Variants in DRC1 observed in about 807,000 individuals in gnomAD.
The protein encoded by DRC1 is dynein regulatory complex protein 1.
Under a neutral mutation model 98.7 loss-of-function variants are expected in DRC1, and 74 were observed. The observed-to-expected ratio is 0.75, with a 90% confidence interval of 0.62 to 0.91. The LOEUF is 0.91. Among genes scored for constraint, DRC1 ranks in the 40% least tolerant of loss-of-function variants. The probability of loss-of-function intolerance (pLI) is 0.00; values close to 1 mark genes in which losing one functional copy is unlikely to be tolerated. For synonymous variants in DRC1, 336 were observed against 334.1 expected (o/e 1.01, Z -0.06); for missense variants, 875 against 886.0 (o/e 0.99, Z 0.16).
Position 26,454,879 on chromosome 2 carries a change from C to T in DRC1, c.2063+89C>T, listed in dbSNP as rs1238315963. The T allele has an allele frequency of 1.2e-5, 19 of 1,580,630 alleles. No homozygotes were observed. The highest frequency in any genetic ancestry group is 1.6e-5 in the Non-Finnish European group (18 of 1,158,812). Reference sequence around the variant, plus strand: ...CAGCCGCGTTTGCTGCCTCCCTGTCCCACTGAACCTGGGAGGGAAGAGCTG... The same window carrying T: ...CAGCCGCGTTTGCTGCCTCCCTGTCTCACTGAACCTGGGAGGGAAGAGCTG... On this transcript the variant is annotated intron_variant, in intron 15 of 16. Transcript: ENST00000288710. The surrounding 1 kb of genome is among the most constrained non-coding windows in gnomAD (Gnocchi z 5.2).
intron 1 of DRC1, among the ~76,000 whole-genome samples, chr2:26,406,106 T>C (rs1678417481): frequency 6.6e-6 from 1 of 152,148 alleles, no homozygotes; most frequent in Non-Finnish European, 1.5e-5. Flanking sequence ...CTCTGTTAAT[T>C]AAAGGAAAAG....
intron 11 of DRC1, 23 bp from the exon 12 acceptor site, chr2:26,449,973 G>A (rs1394029819): frequency 1.9e-6 from 3 of 1,611,476 alleles, no homozygotes; most frequent in Admixed American, 3.3e-5. Context: ...CCCGACAGGA[G>A]ATGCCTTCTT....
In DRC1 at chr2:26,434,764, G is replaced by A. The variant is rs548092891; in HGVS notation, c.888+2758G>A. Among the ~76,000 whole-genome samples the A allele has an allele frequency of 7.0e-4, 107 of 152,146 alleles. 1 individual carries two copies. The highest frequency in any genetic ancestry group is 1.2e-3 in the Non-Finnish European group (80 of 67,986). On this transcript the variant is annotated intron_variant, in intron 7 of 16. Coordinates refer to ENST00000288710, the MANE Select transcript of DRC1 (RefSeq NM_145038.5). Reference sequence around the variant, plus strand: ...AAATTAGCCGGGTGTGGTGGCGGGCGCCTGTAGTCCCAGCTACTCAGTAGG... The same window carrying A: ...AAATTAGCCGGGTGTGGTGGCGGGCACCTGTAGTCCCAGCTACTCAGTAGG...
Position 26,444,328 on chromosome 2 carries a change from C to A in DRC1, c.1135C>A (p.Gln379Lys), listed in dbSNP as rs1178048254. Residue 379 changes from glutamine (Q) to lysine (K), a missense_variant, in exon 9 of 17, where the codon CAA becomes AAA. By Grantham distance (53) the Gln-to-Lys change is moderately conservative. Coordinates refer to ENST00000288710, the MANE Select transcript of DRC1 (RefSeq NM_145038.5). ...LTSDYKRLVM[Q>K]FKELQKAMRH... The stretch of plus-strand genomic sequence containing the variant: ...CTCGGACTACAAACGTCTTGTGATG[C>A]AATTCAAGGAGCTACAGAAAGCCAT... 1 of 1,614,136 alleles carries A rather than the reference C, an allele frequency of 6.2e-7. No homozygotes were observed. Among genetic ancestry groups the A allele is most frequent in the South Asian group, 1.1e-5 (1 of 91,076 alleles).
intron 7 of DRC1, among the ~76,000 whole-genome samples, chr2:26,435,638 G>T (rs1378734054): frequency 2.0e-5 from 3 of 151,938 alleles, no homozygotes; most frequent in Non-Finnish European, 4.4e-5. Flanking sequence ...TGTTCTCATT[G>T]GTCCCACTTA....
At chr2:26,442,126 A>G (rs1268418503) in intron 8 of DRC1, among the ~76,000 whole-genome samples, 2 of 152,220 alleles carry the variant, frequency 1.3e-5, no homozygotes, top group Non-Finnish European at 2.9e-5. Context: ...GAAGAGCGGG[A>G]GAGCAAGCTG....
At chr2:26,416,771 T>C (rs1209670612) in intron 2 of DRC1, among the ~76,000 whole-genome samples, 4 of 152,222 alleles carry the variant, frequency 2.6e-5, no homozygotes, top group East Asian at 1.9e-4. Context: ...TTTTTTGGTA[T>C]CTATATGTCT....
intron 1 of DRC1, among the ~76,000 whole-genome samples, chr2:26,406,421 G>A (rs1356983954): frequency 6.6e-6 from 1 of 152,146 alleles, no homozygotes; most frequent in East Asian, 1.9e-4. Context: ...GTCATATAAA[G>A]AGTACAGCCG....
intron 2 of DRC1, 127 bp downstream of exon 2, chr2:26,414,558 T>A: frequency 1.2e-6 from 1 of 806,876 alleles, no homozygotes; most frequent in Non-Finnish European, 1.9e-6. Context: ...CTGAATAGAA[T>A]CTTTCCCATT....
chr2:26,454,876 G>C lies in DRC1; in HGVS notation c.2063+86G>C. 1 of 1,588,192 alleles carries C rather than the reference G, an allele frequency of 6.3e-7. No individual in the cohort carries two copies. Among genetic ancestry groups the C allele is most frequent in the South Asian group, 1.1e-5 (1 of 87,166 alleles). ...GAGCAGCCGCGTTTGCTGCCTCCCT[G>C]TCCCACTGAACCTGGGAGGGAAGAG... On this transcript the variant is annotated intron_variant, in intron 15 of 16. Coordinates refer to ENST00000288710, the MANE Select transcript of DRC1 (RefSeq NM_145038.5). The surrounding 1 kb of genome is among the most constrained non-coding windows in gnomAD (Gnocchi z 5.2).
chr2:26,427,444 T>C (rs1194773054), intron 4 of DRC1, among the ~76,000 whole-genome samples: 1 of 151,994 alleles, frequency 6.6e-6, no homozygotes, highest in South Asian at 2.1e-4. Context: ...ATTAAAAAAT[T>C]TTATGGGTAG....
At chr2:26,430,720 C>A in intron 5 of DRC1, 66 bp from the exon 6 acceptor site, 1 of 1,545,486 alleles carries the variant, frequency 6.5e-7, no homozygotes, top group Non-Finnish European at 8.9e-7. Flanking sequence ...CCTGAAAGTT[C>A]TTTGACACTG....
intron 11 of DRC1, among the ~76,000 whole-genome samples, chr2:26,449,746 G>A (rs1024465862): frequency 2.0e-5 from 3 of 152,212 alleles, no homozygotes; most frequent in Non-Finnish European, 4.4e-5. Flanking sequence ...CTTCTGGGTG[G>A]GAAAAGCTAA....
chr2:26,421,206 C>A, intron 2 of DRC1, 82 bp from the exon 3 acceptor site: 2 of 1,268,994 alleles, frequency 1.6e-6, no homozygotes, highest in African/African-American at 1.5e-5. Flanking sequence ...AAGCTGCGGA[C>A]AGTTGTGCAA....
intron 16 of DRC1, 102 bp downstream of exon 16, chr2:26,455,335 G>A (rs2148008856): frequency 9.3e-7 from 1 of 1,079,090 alleles, no homozygotes; most frequent in South Asian, 1.5e-5. Flanking sequence ...CCCGTCAGAG[G>A]CAAGGGAGCT....
intron 4 of DRC1, among the ~76,000 whole-genome samples, chr2:26,425,383 A>G (rs1045337283): frequency 3.3e-5 from 5 of 152,322 alleles, no homozygotes; most frequent in South Asian, 2.1e-4. Flanking sequence ...TGCTATGAAC[A>G]TGGGTATACA....
intron 7 of DRC1, among the ~76,000 whole-genome samples, chr2:26,438,802 A>C (rs371463189): frequency 6.8e-4 from 103 of 152,300 alleles, no homozygotes; most frequent in African/African-American, 2.4e-3. Flanking sequence ...TCTGTAGTCC[A>C]GCAGAGGGAG....
chr2:26,431,839 G>A, intron 6 of DRC1, 45 bp from the exon 7 acceptor site: 1 of 1,609,110 alleles, frequency 6.2e-7, no homozygotes. Context: ...TTGAGGTGGG[G>A]CAAGGATGGT....
chr2:26,430,446 C>T (rs1020044243), intron 5 of DRC1: 1 of 478,270 alleles, frequency 2.1e-6, no homozygotes, highest in African/African-American at 2.0e-5. Context: ...ACGAACGCAT[C>T]AGTGGTAGTC....
Sources: gnomAD v4.1 joint callset for allele counts (sites outside exome capture counted in the v4.1 genomes callset) on GRCh38, gnomAD v4.1.1 for gene constraint, Gnocchi (gnomAD v3.1) non-coding constraint, MANE v1.5 for transcripts, NCBI Gene and HGNC (gene_info 2026-07-23, HGNC 2026-07-21) for gene names.